CRIM1: variants seen among roughly 807,000 people sequenced by gnomAD.
CRIM1 encodes the protein cysteine-rich motor neuron 1 protein.
CRIM1 carries 32 observed loss-of-function variants against 116.4 expected under a neutral mutation model. The observed-to-expected ratio is 0.27, with a 90% CI of 0.21 to 0.37. The LOEUF is 0.37. Among genes scored for constraint, CRIM1 ranks in the 10% least tolerant of loss-of-function variants. The pLI, the probability that CRIM1 is intolerant of heterozygous loss-of-function variation, is 1.00. For synonymous variants in CRIM1, 590 were observed against 509.2 expected, an observed-to-expected ratio of 1.16 and a Z score of -2.13; for missense variants, 1,331 against 1,354.8, an observed-to-expected ratio of 0.98 and a Z score of 0.28.
chr2:36,543,842 T>A (rs1446076280), intron 14 of CRIM1, among the ~76,000 whole-genome samples: 2 of 152,180 alleles, frequency 1.3e-5, no homozygotes, highest in African/African-American at 2.4e-5. Context: ...AGTGGTAACA[T>A]AATGGACATC....
intron 4 of CRIM1, among the ~76,000 whole-genome samples, chr2:36,462,451 G>A (rs1013034264): frequency 6.6e-6 from 1 of 152,248 alleles, no homozygotes; most frequent in African/African-American, 2.4e-5. Flanking sequence ...ATGGTGTTCA[G>A]TGTGGTGTGA....
intron 4 of CRIM1, among the ~76,000 whole-genome samples, chr2:36,444,745 C>T (rs72787263): frequency 3.3e-5 from 5 of 152,140 alleles, no homozygotes; most frequent in Middle Eastern, 3.2e-3. Flanking sequence ...CTCATTTGTT[C>T]GCTTTGAACA....
At chr2:36,546,840 A>C (rs990412882) in intron 15 of CRIM1, 144 bp from the exon 16 acceptor site, 14 of 557,760 alleles carry the variant, frequency 2.5e-5, no homozygotes, top group African/African-American at 8.0e-5. Context: ...CTTTGGATCA[A>C]CATTAGATTT....
At chr2:36,455,432 A>G (rs760626864) in intron 4 of CRIM1, among the ~76,000 whole-genome samples, 13 of 152,198 alleles carry the variant, frequency 8.5e-5, no homozygotes, top group Non-Finnish European at 1.6e-4. Flanking sequence ...CACTGTACAT[A>G]GGCTACAATT....
At chr2:36,399,023 C>G (rs1672236123) in intron 2 of CRIM1, among the ~76,000 whole-genome samples, 1 of 151,988 alleles carries the variant, frequency 6.6e-6, no homozygotes, top group African/African-American at 2.4e-5. Flanking sequence ...AGAAGTGAGG[C>G]CAACATGGAC....
Position 36,441,400 on chromosome 2 carries a change from C to G in CRIM1, c.648C>G (p.Gly216=). The part of the protein sequence containing the change: ...LPSRCVCNPA[G]CLRKVCQPGN... The stretch of plus-strand genomic sequence containing the variant: ...GCCGCTGCGTGTGCAACCCCGCAGG[C>G]TGTCTGCGCAAAGTCTGCCAGCCGG... The change falls in exon 3 of 17, where the codon GGC becomes GGG. Residue 216 remains glycine (G), a synonymous_variant. Coordinates refer to ENST00000280527, the MANE Select transcript of CRIM1 (RefSeq NM_016441.3). 6.2e-7 allele frequency: 1 copy of G among 1,614,164 alleles called. No individual in the cohort carries two copies. The highest frequency in any genetic ancestry group is 2.2e-5 in the East Asian group (1 of 44,880).
chr2:36,517,247 T>C (rs76152951), intron 11 of CRIM1, 80 bp from the exon 12 acceptor site: 1 of 1,152,060 alleles, frequency 8.7e-7, no homozygotes, highest in East Asian at 2.4e-5. Context: ...TTCTATCCCT[T>C]AAAGCAAACA....
chr2:36,374,706 C>T (rs548953178), intron 1 of CRIM1, among the ~76,000 whole-genome samples: 13 of 152,030 alleles, frequency 8.6e-5, no homozygotes, highest in African/African-American at 3.1e-4. Context: ...AGAGAAAATC[C>T]TATGTAGTCG....
At chr2:36,454,200 G>A (rs909538178) in intron 4 of CRIM1, among the ~76,000 whole-genome samples, 1 of 152,086 alleles carries the variant, frequency 6.6e-6, no homozygotes, top group African/African-American at 2.4e-5. Flanking sequence ...AGTACATAGT[G>A]TACTTCTGGT....
rs118174006 is a variant in CRIM1 at position 36,373,785 on chromosome 2, T to C, written c.331+17162T>C. 1.8e-3 allele frequency among the ~76,000 whole-genome samples: 268 copies of C among 152,292 alleles called. 1 individual carries two copies. The East Asian group carries it at 0.025, about 14-fold the overall frequency. The stretch of plus-strand genomic sequence containing the variant: ...TATGTGATGTGTGCATGTGCATCCA[T>C]GTGTACAACATACACCCATGCAAAA... On this transcript the variant is annotated intron_variant, in intron 1 of 16. Transcript: ENST00000280527.
In CRIM1 at chr2:36,522,204, C is replaced by G; in HGVS notation, c.2319C>G (p.Thr773=). The change falls in exon 13 of 17, where the codon ACC becomes ACG. Residue 773 remains threonine (T), a synonymous_variant. Transcript: ENST00000280527. ...AGTCCTGGAAGCCTGACGTTTGTAC[C>G]AGCTGCATCTGCATTGATAGCGTAA... ...AAESWKPDVC[T]SCICIDSVIS... is the part of the protein sequence containing the mutation. 1 of 1,614,094 alleles carries G rather than the reference C, an allele frequency of 6.2e-7. No individual in the cohort carries two copies. The highest frequency in any genetic ancestry group is 8.5e-7 in the Non-Finnish European group (1 of 1,179,994).
chr2:36,513,777 C>T lies in CRIM1; in HGVS notation c.1990+12C>T, dbSNP rs751246458. 2 of 1,611,812 alleles carry T rather than the reference C, an allele frequency of 1.2e-6. No individual in the cohort carries two copies. The highest frequency in any genetic ancestry group is 4.5e-5 in the East Asian group (2 of 44,786). ...CCCATCATGTGCAGGTAAAAGCTGG[C>T]TGCCATCTGTGTGCTCCATAAGCAA... On this transcript the variant is annotated intron_variant, in intron 11 of 16. Transcript: ENST00000280527.
intron 14 of CRIM1, among the ~76,000 whole-genome samples, chr2:36,541,850 A>T (rs1210012804): frequency 3.9e-5 from 6 of 152,160 alleles, no homozygotes; most frequent in Non-Finnish European, 8.8e-5. Context: ...TATATTTTAG[A>T]GTCTTGGGTT....
intron 1 of CRIM1, among the ~76,000 whole-genome samples, chr2:36,365,939 G>A (rs184957389): frequency 1.8e-4 from 27 of 152,216 alleles, no homozygotes; most frequent in Admixed American, 9.8e-4. Flanking sequence ...TCACCATGTT[G>A]GCCAGGATGG....
At chr2:36,424,564 A>G (rs1359583404) in intron 2 of CRIM1, among the ~76,000 whole-genome samples, 1 of 152,202 alleles carries the variant, frequency 6.6e-6, no homozygotes. Flanking sequence ...GAAGTAGGAC[A>G]TATGGGAGCA....
chr2:36,423,079 G>A (rs1558566840), intron 2 of CRIM1, among the ~76,000 whole-genome samples: 3 of 152,126 alleles, frequency 2.0e-5, no homozygotes, highest in African/African-American at 7.2e-5. Flanking sequence ...TTACAGCTTT[G>A]TTTGATCTCT....
At chr2:36,404,823 C>A (rs1672669111) in intron 2 of CRIM1, among the ~76,000 whole-genome samples, 1 of 152,106 alleles carries the variant, frequency 6.6e-6, no homozygotes, top group Non-Finnish European at 1.5e-5. Context: ...ATAACAGTTG[C>A]CTCAGATCAT....
intron 1 of CRIM1, among the ~76,000 whole-genome samples, chr2:36,361,905 A>G (rs1356157208): frequency 6.6e-6 from 1 of 152,176 alleles, no homozygotes; most frequent in Non-Finnish European, 1.5e-5. Flanking sequence ...CCAAGCATGC[A>G]TGAATAACAC....
chr2:36,407,023 C>G (rs1404488267), intron 2 of CRIM1, among the ~76,000 whole-genome samples: 2 of 152,152 alleles, frequency 1.3e-5, no homozygotes, highest in Non-Finnish European at 2.9e-5. Context: ...CACGTTTAAC[C>G]TCACCTTCTG....
Sources: allele counts gnomAD v4.1 joint callset (sites outside exome capture counted in the v4.1 genomes callset), GRCh38; gene constraint gnomAD v4.1.1; transcripts MANE v1.5; gene names NCBI Gene and HGNC (gene_info 2026-07-23, HGNC 2026-07-21).